Variants in CEP97 observed in about 807,000 individuals in gnomAD.
CEP97 encodes the protein centrosomal protein of 97 kDa.
In CEP97, 43 loss-of-function variants were observed where a neutral mutation model predicts 73.1. The observed-to-expected ratio is 0.59, with a 90% confidence interval of 0.46 to 0.76. CEP97 has a LOEUF of 0.76. CEP97 is among the 30% of genes least tolerant of loss of function. The probability of loss-of-function intolerance (pLI) is 0.00; values close to 1 mark genes in which losing one functional copy is unlikely to be tolerated. For missense variants in CEP97, 939 were observed against 1,014.0 expected (o/e 0.93, Z 1.00); for synonymous variants, 337 against 370.0 (o/e 0.91, Z 1.02).
rs1364837866 is a variant in CEP97 at position 101,726,680 on chromosome 3, G to C, written c.130G>C (p.Asp44His). The C allele has an allele frequency of 6.2e-7, 1 of 1,607,968 alleles. No homozygotes were observed. Among genetic ancestry groups the C allele is most frequent in the Non-Finnish European group, 8.5e-7 (1 of 1,175,788 alleles). Residue 44 changes from aspartate (D) to histidine (H), a missense_variant, in exon 2 of 11, where the codon GAT becomes CAT. Asp to His is a moderately conservative substitution (Grantham distance 81). Transcript: ENST00000341893. The stretch of plus-strand genomic sequence containing the variant: ...AGCTGATATTCACACTTTGATTCTG[G>C]ATAAAAATCAGATTATTAAATTGGA... The part of the protein sequence containing the change: ...CEADIHTLIL[D>H]KNQIIKLENL...
intron 9 of CEP97, chr3:101,758,795 T>C (rs1337772318): frequency 5.6e-6 from 1 of 179,770 alleles, no homozygotes; most frequent in Admixed American, 5.4e-5. Flanking sequence ...ACATAAGAAA[T>C]AAAGAAAATA....
chr3:101,735,739 G>C (rs182762582), intron 6 of CEP97, among the ~76,000 whole-genome samples: 4 of 152,314 alleles, frequency 2.6e-5, no homozygotes, highest in Admixed American at 2.6e-4. Flanking sequence ...TACGCCACCA[G>C]GGCCCTGGGT....
At chr3:101,758,533 G>A (rs767278753) in intron 9 of CEP97, 110 bp downstream of exon 9, 3 of 1,319,352 alleles carry the variant, frequency 2.3e-6, no homozygotes, top group Non-Finnish European at 3.1e-6. Context: ...TTCACACAAT[G>A]TAGCCACTGT....
chr3:101,768,533 A>G lies in CEP97; in HGVS notation c.*2982A>G. On this transcript the variant is annotated 3_prime_UTR_variant, in exon 11 of 11. Transcript: ENST00000341893. ...AATGGTTTCAAAAGAGCAATAGTGG[A>G]AATTAAAGTTTTAGAAAAGAGACCT... The G allele has an allele frequency of 6.6e-6, 1 of 152,162 alleles. No individual in the cohort carries two copies. The highest frequency in any genetic ancestry group is 1.5e-5 in the Non-Finnish European group (1 of 68,024). 9.4% of individuals were successfully genotyped at this position (152,162 alleles called of 1,614,324 possible). A position where few individuals can be genotyped will look rare whatever the true frequency, so the allele number is the denominator to read the frequency against.
intron 6 of CEP97, among the ~76,000 whole-genome samples, chr3:101,745,138 G>C (rs1938574331): frequency 6.6e-6 from 1 of 152,142 alleles, no homozygotes; most frequent in Admixed American, 6.5e-5. Flanking sequence ...TTTTGCTATT[G>C]ACAGGAACTT....
Position 101,755,465 on chromosome 3 carries a change from G to T in CEP97, c.764G>T (p.Gly255Val). The T allele has an allele frequency of 6.2e-7, 1 of 1,614,136 alleles. No individual in the cohort carries two copies. The highest frequency in any genetic ancestry group is 8.5e-7 in the Non-Finnish European group (1 of 1,180,020). Residue 255 changes from glycine (G) to valine (V), a missense_variant, in exon 7 of 11, where the codon GGG becomes GTG. Gly to Val is a moderately radical substitution (Grantham distance 109). Transcript: ENST00000341893. Reference protein sequence around the residue: ...KAEWLYSQGKGRAYRPGQHIQ... With the variant: ...KAEWLYSQGKVRAYRPGQHIQ... ...GAATGGCTCTATAGTCAAGGCAAGG[G>T]GAGAGCATATCGGCCTGGCCAGCAC...
At chr3:101,742,733 T>TAA (rs1259730662) in intron 6 of CEP97, among the ~76,000 whole-genome samples, 4 of 133,498 alleles carry the variant, frequency 3.0e-5, no homozygotes, top group Non-Finnish European at 6.5e-5. Context: ...TTAAAGTATT[T>TAA]AAAAAAAAAA....
In CEP97 at chr3:101,765,812, A is replaced by G. The variant is rs1939304257; in HGVS notation, c.*261A>G. The G allele has an allele frequency of 3.3e-6, 1 of 304,336 alleles. No individual in the cohort carries two copies. Among genetic ancestry groups the G allele is most frequent in the African/African-American group, 2.2e-5 (1 of 46,188 alleles). 18.9% of individuals were successfully genotyped at this position (304,336 alleles called of 1,614,324 possible). On this transcript the variant is annotated 3_prime_UTR_variant, in exon 11 of 11. Transcript: ENST00000341893. Reference sequence around the variant, plus strand: ...GCACTTTATTTCTTAACTGAATTGCATCAACAATGTTCCTGTTTCTTTCAT... The same window carrying G: ...GCACTTTATTTCTTAACTGAATTGCGTCAACAATGTTCCTGTTTCTTTCAT...
intron 6 of CEP97, among the ~76,000 whole-genome samples, chr3:101,748,917 G>A (rs1275264384): frequency 1.3e-5 from 2 of 152,050 alleles, no homozygotes; most frequent in East Asian, 3.9e-4. Flanking sequence ...TGGGATTACA[G>A]GTGTGAGCCA....
chr3:101,758,670 T>A, intron 9 of CEP97: 1 of 476,472 alleles, frequency 2.1e-6, no homozygotes, highest in Non-Finnish European at 3.7e-6. Context: ...AAATGTTCAA[T>A]GAACGTGAGC....
chr3:101,764,781 T>G (rs932648347), intron 10 of CEP97, 66 bp from the exon 11 acceptor site: 1 of 1,435,366 alleles, frequency 7.0e-7, no homozygotes, highest in South Asian at 1.4e-5. Flanking sequence ...AGACCCTGTC[T>G]CAAAAACAAA....
In CEP97 at chr3:101,769,812, T is replaced by C. The variant is rs541717011; in HGVS notation, c.*4261T>C. 1.3e-5 allele frequency: 2 copies of C among 152,282 alleles called. No homozygotes were observed. The highest frequency in any genetic ancestry group is 4.1e-4 in the South Asian group (2 of 4,820). 9.4% of individuals were successfully genotyped at this position (152,282 alleles called of 1,614,324 possible). On this transcript the variant is annotated 3_prime_UTR_variant, in exon 11 of 11. Transcript: ENST00000341893. ...AACATTCTAAACATTTTTAATGATA[T>C]TGCTTTTACTGATCAAGCTTGTTGT...
rs1939397628 is a variant in CEP97 at position 101,769,264 on chromosome 3, A to C, written c.*3713A>C. On this transcript the variant is annotated 3_prime_UTR_variant, in exon 11 of 11. Transcript: ENST00000341893. ...CGGGAGTTAAGATGGTAAAAAGAAA[A>C]AAATAGAATGAATATGATCATTTCT... 1 of 152,124 alleles carries C rather than the reference A, an allele frequency of 6.6e-6. No homozygotes were observed. The highest frequency in any genetic ancestry group is 2.4e-5 in the African/African-American group (1 of 41,434). 9.4% of individuals were successfully genotyped at this position (152,124 alleles called of 1,614,324 possible). A position where few individuals can be genotyped will look rare whatever the true frequency, so the allele number is the denominator to read the frequency against.
At chr3:101,738,006 GAAAGCAAAAAAAAAA>G (rs1938333472) in intron 6 of CEP97, among the ~76,000 whole-genome samples, 1 of 20,278 alleles carries the variant, frequency 4.9e-5, no homozygotes, top group Non-Finnish European at 8.3e-5. Context: ...CAAACAAATG[GAAAGCAAAAAAAAAA>G]AAAAAAAAAA....
Position 101,758,295 on chromosome 3 carries a change from C to T in CEP97, c.1689C>T (p.Thr563=), listed in dbSNP as rs1368390740. ...VALQKLNDAA[T]KLQACWRGFY... ...TTCAGAAATTAAATGATGCAGCCAC[C>T]AAGCTTCAGGCCTGTTGGCGGGGAT... The change falls in exon 9 of 11, where the codon ACC becomes ACT. Residue 563 remains threonine, a synonymous_variant. Transcript: ENST00000341893. 1 of 1,614,048 alleles carries T rather than the reference C, an allele frequency of 6.2e-7. No homozygotes were observed. Among genetic ancestry groups the T allele is most frequent in the African/African-American group, 1.3e-5 (1 of 74,924 alleles).
intron 6 of CEP97, among the ~76,000 whole-genome samples, chr3:101,747,383 C>G (rs1265147084): frequency 2.0e-5 from 3 of 151,470 alleles, no homozygotes; most frequent in Non-Finnish European, 4.4e-5. Flanking sequence ...CCTCAGCCTC[C>G]CGAGTAGCTG....
At chr3:101,739,734 C>T (rs1295268763) in intron 6 of CEP97, among the ~76,000 whole-genome samples, 5 of 151,970 alleles carry the variant, frequency 3.3e-5, no homozygotes, top group East Asian at 1.9e-4. Flanking sequence ...GGTAAAACCC[C>T]GTCTCTACTA....
At chr3:101,730,595 A>G (rs1938078761) in intron 4 of CEP97, among the ~76,000 whole-genome samples, 1 of 145,512 alleles carries the variant, frequency 6.9e-6, no homozygotes, top group Non-Finnish European at 1.5e-5. Context: ...TTTTTTTGAC[A>G]TTCAGAATTG....
In CEP97 at chr3:101,760,022, C is replaced by CAAAAAAAAAA. The variant is rs78933956; in HGVS notation, c.1817+1614_1817+1623dup. Among the ~76,000 whole-genome samples the CAAAAAAAAAA allele has an allele frequency of 9.0e-5, 8 of 88,656 alleles. 1 individual carries two copies. Among genetic ancestry groups the CAAAAAAAAAA allele is most frequent in the African/African-American group, 1.3e-4 (3 of 23,046 alleles). The allele number at this position is 88,656 out of a possible 152,430, so 58.2% of individuals were successfully genotyped here. ...AAGGAGGGAAAAACTGATGGTGCAG[C>CAAAAAAAAAA]AAAAAAAAAAAAAAAAAAAAAAAAG... On this transcript the variant is annotated intron_variant, in intron 9 of 10. Coordinates refer to ENST00000341893, the MANE Select transcript of CEP97 (RefSeq NM_024548.4).
Sources: gnomAD v4.1 joint callset for allele counts (sites outside exome capture counted in the v4.1 genomes callset) on GRCh38, gnomAD v4.1.1 for gene constraint, MANE v1.5 for transcripts, NCBI Gene and HGNC (gene_info 2026-07-23, HGNC 2026-07-21) for gene names.